FGD4: variants seen among roughly 807,000 people sequenced by gnomAD.
FGD4 encodes FYVE, RhoGEF and PH domain containing 4.
In FGD4, 42 loss-of-function variants were observed where a neutral mutation model predicts 102.0. The observed-to-expected ratio is 0.41, with a 90% CI of 0.32 to 0.53. The LOEUF (loss-of-function observed/expected upper bound fraction) is 0.53. FGD4 is among the 20% of genes least tolerant of loss of function. FGD4 has a pLI of 0.21. For synonymous variants in FGD4, 380 were observed against 375.7 expected (o/e 1.01, Z -0.13); for missense variants, 902 against 1,078.2 (o/e 0.84, Z 2.29).
At chr12:32,423,669 G>T (rs1941733391) in intron 1 of FGD4, among the ~76,000 whole-genome samples, 1 of 151,568 alleles carries the variant, frequency 6.6e-6, no homozygotes, top group Non-Finnish European at 1.5e-5. Context: ...GCAGCCCCAT[G>T]GGCTGCTGGT....
intron 1 of FGD4, among the ~76,000 whole-genome samples, chr12:32,411,528 C>A (rs556200466): frequency 1.3e-5 from 2 of 151,946 alleles, no homozygotes; most frequent in Admixed American, 1.3e-4. Context: ...AGCAAGACTC[C>A]GTCTCACAAC....
At chr12:32,560,667 T>C (rs1338537612) in intron 1 of FGD4, among the ~76,000 whole-genome samples, 4 of 152,176 alleles carry the variant, frequency 2.6e-5, no homozygotes, top group Non-Finnish European at 4.4e-5. Flanking sequence ...AGCAGAAGTA[T>C]GTCTGATGAG....
chr12:32,466,535 T>G (rs1444567049), intron 1 of FGD4, among the ~76,000 whole-genome samples: 1 of 152,042 alleles, frequency 6.6e-6, no homozygotes, highest in Non-Finnish European at 1.5e-5. Context: ...GCTCACTGAT[T>G]TAATGTTATC....
intron 1 of FGD4, among the ~76,000 whole-genome samples, chr12:32,420,754 T>C (rs1010810494): frequency 7.9e-5 from 12 of 152,202 alleles, no homozygotes; most frequent in African/African-American, 2.9e-4. Flanking sequence ...GTGTCTGCCC[T>C]ATAGCCCCTA....
intron 3 of FGD4, 65 bp downstream of exon 3, chr12:32,576,514 A>G: frequency 6.6e-7 from 1 of 1,521,994 alleles, no homozygotes. Flanking sequence ...AAAAAATGAT[A>G]GTCATAGATA....
chr12:32,407,531 G>A (rs1940997819), intron 1 of FGD4, among the ~76,000 whole-genome samples: 1 of 152,174 alleles, frequency 6.6e-6, no homozygotes. Context: ...TGGTCCTGAG[G>A]ACAGGTTGCC....
intron 5 of FGD4, among the ~76,000 whole-genome samples, chr12:32,600,793 C>A (rs1442519176): frequency 6.6e-6 from 1 of 151,890 alleles, no homozygotes; most frequent in African/African-American, 2.4e-5. Context: ...TCATGATGTT[C>A]CCCTTTCCCA....
rs568543160 is a variant in FGD4 at position 32,436,488 on chromosome 12, A to G, written c.166+36529A>G. Among the ~76,000 whole-genome samples, 13 of 152,362 alleles carry G rather than the reference A, an allele frequency of 8.5e-5. No homozygotes were observed. In the South Asian group the frequency reaches 2.3e-3, roughly 27 times the overall value. On this transcript the variant is annotated intron_variant, in intron 1 of 16. Transcript: ENST00000534526. ...ATAAAAGACTGCACAGTGTCCACAC[A>G]TTGGCAAGCCTCAGGTTTCAGAGGA...
intron 1 of FGD4, among the ~76,000 whole-genome samples, chr12:32,428,208 T>C (rs910545895): frequency 1.3e-5 from 2 of 152,250 alleles, no homozygotes; most frequent in Admixed American, 1.3e-4. Flanking sequence ...TACCAGTTGT[T>C]GCTTTCCAGA....
intron 14 of FGD4, among the ~76,000 whole-genome samples, chr12:32,626,321 G>A (rs182704642): frequency 1.3e-3 from 196 of 152,210 alleles, no homozygotes; most frequent in Admixed American, 2.0e-3. Flanking sequence ...GCGCATGCCT[G>A]TAATCCCAGC....
chr12:32,561,304 C>T (rs1944569056), intron 1 of FGD4, among the ~76,000 whole-genome samples: 1 of 151,960 alleles, frequency 6.6e-6, no homozygotes, highest in Non-Finnish European at 1.5e-5. Context: ...CCAGGCTGGT[C>T]TTGAACTCCT....
intron 1 of FGD4, among the ~76,000 whole-genome samples, chr12:32,456,671 C>G (rs1942957074): frequency 6.6e-6 from 1 of 152,088 alleles, no homozygotes; most frequent in South Asian, 2.1e-4. Flanking sequence ...CCCTCATGCC[C>G]TAGAATGTAC....
intron 1 of FGD4, among the ~76,000 whole-genome samples, chr12:32,465,266 TTA>T (rs60178189): frequency 2.0e-5 from 3 of 151,054 alleles, no homozygotes; most frequent in African/African-American, 4.9e-5. Context: ...TTTGTATGTT[TTA>T]TATATATATA....
intron 2 of FGD4, among the ~76,000 whole-genome samples, 156 bp from the exon 3 acceptor site, chr12:32,576,110 A>G (rs1283911210): frequency 6.6e-6 from 1 of 152,234 alleles, no homozygotes; most frequent in Admixed American, 6.5e-5. Flanking sequence ...CAAAATGAAC[A>G]AAAGTCTTTT....
intron 1 of FGD4, among the ~76,000 whole-genome samples, chr12:32,411,739 C>T (rs568548408): frequency 3.9e-5 from 6 of 152,092 alleles, no homozygotes; most frequent in Middle Eastern, 3.4e-3. Context: ...CTTTGGGAGG[C>T]GAAGGTGGGC....
intron 8 of FGD4, among the ~76,000 whole-genome samples, chr12:32,608,797 A>G (rs1948953704): frequency 6.6e-6 from 1 of 152,352 alleles, no homozygotes; most frequent in East Asian, 1.9e-4. Flanking sequence ...AAACATTGCT[A>G]CTTTCCCTTG....
In FGD4 at chr12:32,611,171, T is replaced by A; in HGVS notation, c.1637T>A (p.Met546Lys). The change falls in exon 10 of 17, where the codon ATG becomes AAG. Residue 546 changes from methionine to lysine, a missense_variant. Around this residue, in one of 2 missense-constraint regions of FGD4, gnomAD observed 459 missense variants for 619.0 expected, o/e 0.74. Transcript: ENST00000534526. ...NLKKLLEIYE[M>K]LGEEEDIVNP... ...AAGAAACTCTTAGAGATTTATGAAA[T>A]GTTGGGAGAAGAAGAAGACATTGTA... 6.2e-7 allele frequency: 1 copy of A among 1,614,144 alleles called. No individual in the cohort carries two copies.
chr12:32,507,144 T>C (rs533385679), intron 1 of FGD4, among the ~76,000 whole-genome samples: 13 of 146,340 alleles, frequency 8.9e-5, no homozygotes, highest in African/African-American at 3.0e-4. Context: ...GTGTTCTCAT[T>C]GTTCAATTCC....
chr12:32,429,805 A>G (rs1235728545), intron 1 of FGD4, among the ~76,000 whole-genome samples: 1 of 152,098 alleles, frequency 6.6e-6, no homozygotes, highest in African/African-American at 2.4e-5. Flanking sequence ...AATTAGCTAT[A>G]ATTAGCAGTG....
Sources: allele counts gnomAD v4.1 joint callset (sites outside exome capture counted in the v4.1 genomes callset), GRCh38; gene constraint gnomAD v4.1.1; regional missense constraint gnomAD v4.1.1; transcripts MANE v1.5; gene names NCBI Gene and HGNC (gene_info 2026-07-23, HGNC 2026-07-21).